JAML: variants seen among roughly 807,000 people sequenced by gnomAD.
JAML encodes the protein junction adhesion molecule like.
JAML carries 25 observed loss-of-function variants against 39.3 expected under a neutral mutation model. The observed-to-expected ratio is 0.64, with a 90% CI of 0.46 to 0.89. The LOEUF (loss-of-function observed/expected upper bound fraction) is 0.89, where lower values mean the gene tolerates loss of function less well. JAML is among the 40% of genes least tolerant of loss of function. The pLI is 0.00. For missense variants in JAML, 440 were observed against 486.9 expected, an observed-to-expected ratio of 0.90 and a Z score of 0.91; for synonymous variants, 162 against 179.2, an observed-to-expected ratio of 0.90 and a Z score of 0.77.
chr11:118,203,420 T>G lies in JAML; in HGVS notation c.772+8A>C, dbSNP rs776612873. ...TCCCTCAATGCTCCCCAGCCAAATG[T>G]TAGATACTTCGAGGCTCTTCCGGGC... On this transcript the variant is annotated splice_region_variant and intron_variant, in intron 6 of 9. Coordinates refer to ENST00000356289, the MANE Select transcript of JAML (RefSeq NM_001098526.2). 4 of 1,612,248 alleles carry G rather than the reference T, an allele frequency of 2.5e-6. No individual in the cohort carries two copies. The Admixed American group carries it at 5.0e-5, about 20-fold the overall frequency.
intron 7 of JAML, among the ~76,000 whole-genome samples, chr11:118,198,725 T>C (rs1208151447): frequency 6.6e-6 from 1 of 151,844 alleles, no homozygotes; most frequent in African/African-American, 2.4e-5. Context: ...AAACCATATG[T>C]TTTGGTCTCA....
At chr11:118,221,968 T>C (rs1218964106) in intron 1 of JAML, among the ~76,000 whole-genome samples, 1 of 152,170 alleles carries the variant, frequency 6.6e-6, no homozygotes, top group Non-Finnish European at 1.5e-5. Flanking sequence ...TACCTTTAGG[T>C]AAAGATTCAA....
At chr11:118,212,641 C>A (rs1949085953) in intron 2 of JAML, 80 bp from the exon 3 acceptor site, 10 of 1,551,192 alleles carry the variant, frequency 6.4e-6, no homozygotes, top group Non-Finnish European at 8.7e-6. Flanking sequence ...TCATGGAGTA[C>A]TAAACACCCC....
At chr11:118,194,485 C>T in intron 9 of JAML, 68 bp from the exon 10 acceptor site, 1 of 1,312,336 alleles carries the variant, frequency 7.6e-7, no homozygotes, top group Non-Finnish European at 1.1e-6. Context: ...ATAGCAGCTG[C>T]TGTTCATTGA....
In JAML at chr11:118,193,805, T is replaced by C. The variant is rs1948595030; in HGVS notation, c.*520A>G. 6.3e-6 allele frequency: 1 copy of C among 159,834 alleles called. No homozygotes were observed. 9.9% of individuals were successfully genotyped at this position (159,834 alleles called of 1,614,324 possible). A position where few individuals can be genotyped will look rare whatever the true frequency, so the allele number is the denominator to read the frequency against. ...TCCCAGGACCAAAACCAGCCTCTAG[T>C]GTGTTAGCACGGTTTGGCTTTCCTC... is the stretch of plus-strand genomic sequence containing the variant. On this transcript the variant is annotated 3_prime_UTR_variant, in exon 10 of 10. Transcript: ENST00000356289.
At position 118,214,840 on chromosome 11, in the gene JAML, C is replaced by G. The variant is rs1293596929; in HGVS notation, c.27G>C (p.Leu9=). The change falls in exon 2 of 10, where the codon CTG becomes CTC. Residue 9 remains leucine (L), a synonymous_variant. Coordinates refer to ENST00000356289, the MANE Select transcript of JAML (RefSeq NM_001098526.2). ...TCTACTTACCCAGTAACACTGGCAG[C>G]AGGATGAGTTTCAGTGGGCAAAACA... MFCPLKLI[L]LPVLLDYSLG... is the part of the protein sequence containing the mutation. 1.9e-6 allele frequency: 3 copies of G among 1,614,138 alleles called. No individual in the cohort carries two copies. The highest frequency in any genetic ancestry group is 2.7e-5 in the African/African-American group (2 of 75,040).
chr11:118,212,785 T>C, intron 2 of JAML: 4 of 1,600,200 alleles, frequency 2.5e-6, no homozygotes, highest in Non-Finnish European at 3.4e-6. Context: ...AAATGCTATC[T>C]GGCTCCCTCC....
intron 7 of JAML, among the ~76,000 whole-genome samples, chr11:118,200,169 T>C (rs940455684): frequency 2.8e-4 from 42 of 152,160 alleles, no homozygotes; most frequent in African/African-American, 7.7e-4. Flanking sequence ...AGGCAGTGAA[T>C]GGTACCATGA....
chr11:118,217,127 ACT>A (rs1174331588), intron 1 of JAML, among the ~76,000 whole-genome samples: 1 of 152,088 alleles, frequency 6.6e-6, no homozygotes, highest in Non-Finnish European at 1.5e-5. Flanking sequence ...AAGTCTGCAG[ACT>A]CTAAAAGGCA....
chr11:118,210,710 G>A lies in JAML; in HGVS notation c.201C>T (p.Asp67=), dbSNP rs76639053. Residue 67 remains aspartate, a splice_region_variant and synonymous_variant, in exon 4 of 10, where the codon GAC becomes GAT. Coordinates refer to ENST00000356289, the MANE Select transcript of JAML (RefSeq NM_001098526.2). The part of the protein sequence containing the change: ...WTLSPGEHAK[D]EYVLYYYSNL... Reference sequence around the variant, plus strand: ...TGGAGTAATAGTATAGCACATATTCGTCCTGAAGGGCAAAACAGTGTTGGA... The same window carrying A: ...TGGAGTAATAGTATAGCACATATTCATCCTGAAGGGCAAAACAGTGTTGGA... 5.8e-4 allele frequency: 932 copies of A among 1,613,330 alleles called. 4 individuals carry two copies. The highest frequency in any genetic ancestry group is 2.5e-3 in the Middle Eastern group (15 of 6,060).
At position 118,200,559 on chromosome 11, in the gene JAML, C is replaced by T. The variant is rs1948766138; in HGVS notation, c.826G>A (p.Val276Met). The T allele has an allele frequency of 1.2e-6, 2 of 1,614,022 alleles. No individual in the cohort carries two copies. The highest frequency in any genetic ancestry group is 1.7e-5 in the Admixed American group (1 of 60,008). ...RPLVLGGNQLVIIVGIVCATI... is the reference protein window; with the variant it reads ...RPLVLGGNQLMIIVGIVCATI... ...GCACAGACAATTCCCACAATGATCA[C>T]CAACTGATTACCACCCAAGACCAGA... The change falls in exon 7 of 10, where the codon GTG becomes ATG. Residue 276 changes from valine to methionine, a missense_variant. Transcript: ENST00000356289.
intron 1 of JAML, 35 bp from the exon 2 acceptor site, chr11:118,214,921 T>A: frequency 6.3e-7 from 1 of 1,583,034 alleles, no homozygotes; most frequent in Non-Finnish European, 8.7e-7. Context: ...CAAAATCATG[T>A]CAAGAGAAGC....
rs575376250 is a variant in JAML, at chr11:118,216,924, G to C, written c.-20-2038C>G. 3.5e-4 allele frequency among the ~76,000 whole-genome samples: 53 copies of C among 152,262 alleles called. No homozygotes were observed. In the East Asian group the frequency reaches 5.8e-3, roughly 17 times the overall value. ...TTGCCCCATACATACATGGATGAAG[G>C]TCATAAGGGGCTTCCTTTATGGTGT... is the stretch of plus-strand genomic sequence containing the variant. On this transcript the variant is annotated intron_variant, in intron 1 of 9. Coordinates refer to ENST00000356289, the MANE Select transcript of JAML (RefSeq NM_001098526.2).
intron 4 of JAML, among the ~76,000 whole-genome samples, chr11:118,210,234 C>T (rs1949019254): frequency 6.6e-6 from 1 of 152,138 alleles, no homozygotes; most frequent in Non-Finnish European, 1.5e-5. Context: ...TATATGTGAA[C>T]AAAACATCCT....
chr11:118,221,736 TC>T (rs941742226), intron 1 of JAML, among the ~76,000 whole-genome samples: 1 of 152,214 alleles, frequency 6.6e-6, no homozygotes, highest in African/African-American at 2.4e-5. Context: ...TGGGTTCAAT[TC>T]CTGGCTCCAA....
At chr11:118,203,402 A>AGG (rs1948852772) in intron 6 of JAML, 26 bp downstream of exon 6, 1 of 1,602,380 alleles carries the variant, frequency 6.2e-7, no homozygotes, top group Admixed American at 1.7e-5. Flanking sequence ...AGGTCCCTCA[A>AGG]TGCTCCCCAG....
intron 5 of JAML, chr11:118,205,405 C>G (rs1948895583): frequency 6.4e-6 from 1 of 156,796 alleles, no homozygotes; most frequent in Non-Finnish European, 1.4e-5. Flanking sequence ...AATCCCAACA[C>G]GTGAAGTACC....
rs778900203 is a variant in JAML at position 118,194,358 on chromosome 11, A to C, written c.1152T>G (p.Gly384=). 10 of 1,613,692 alleles carry C rather than the reference A, an allele frequency of 6.2e-6. No individual in the cohort carries two copies. In the African/African-American group the frequency reaches 1.3e-4, roughly 22 times the overall value. Residue 384 remains glycine (G), a synonymous_variant, in exon 10 of 10, where the codon GGT becomes GGG. Transcript: ENST00000356289. ...CTTGCTGTGTTTTTGGCATTCCCCC[A>C]CCTGACTTTTTTTCAAGTGAGTTGT... The part of the protein sequence containing the change: ...DRNNSLEKKS[G]GGMPKTQQAF
chr11:118,201,517 G>A (rs11216815), intron 6 of JAML: 34,953 of 152,180 alleles, frequency 0.23, 4,609 homozygotes, highest in African/African-American at 0.36. Context: ...TCCAAGTCAG[G>A]AAGGACCTTG....
Sources: gnomAD v4.1 joint callset for allele counts (sites outside exome capture counted in the v4.1 genomes callset) on GRCh38, gnomAD v4.1.1 for gene constraint, MANE v1.5 for transcripts, NCBI Gene and HGNC (gene_info 2026-07-23, HGNC 2026-07-21) for gene names.